Variants in RAB11FIP3 observed in about 807,000 individuals in gnomAD.
The protein encoded by RAB11FIP3 is RAB11 family interacting protein 3, also known as rab11 family-interacting protein 3.
RAB11FIP3 carries 17 observed loss-of-function variants against 77.8 expected under a neutral mutation model. The observed-to-expected ratio is 0.22, with a 90% CI of 0.15 to 0.33. The LOEUF is 0.33. Among genes scored for constraint, RAB11FIP3 ranks in the 10% least tolerant of loss-of-function variants. The pLI is 1.00. For missense variants in RAB11FIP3, 1,005 were observed against 1,011.2 expected, an observed-to-expected ratio of 0.99 and a Z score of 0.08; for synonymous variants, 437 against 448.2, an observed-to-expected ratio of 0.98 and a Z score of 0.31.
chr16:519,162 C>T, intron 10 of RAB11FIP3, 138 bp downstream of exon 10: 1 of 887,522 alleles, frequency 1.1e-6, no homozygotes, highest in Non-Finnish European at 1.7e-6. Context: ...GCTCAGGGCC[C>T]AGGCCGCTGG....
At chr16:515,151 CTG>C (rs1298651745) in intron 9 of RAB11FIP3, among the ~76,000 whole-genome samples, 1 of 152,200 alleles carries the variant, frequency 6.6e-6, no homozygotes, top group Non-Finnish European at 1.5e-5. Flanking sequence ...GGCAGTGCTG[CTG>C]TGTGTGAAGC....
rs146024518 is a variant in RAB11FIP3, at chr16:436,867, T to C, written c.714+10147T>C. Reference sequence around the variant, plus strand: ...AGTGTTGAGATTATGGGCGTAACCATCTTGCTAGGCCAACAAATTCTTAGT... The same window carrying C: ...AGTGTTGAGATTATGGGCGTAACCACCTTGCTAGGCCAACAAATTCTTAGT... On this transcript the variant is annotated intron_variant, in intron 1 of 13. Coordinates refer to ENST00000262305, the MANE Select transcript of RAB11FIP3 (RefSeq NM_014700.4). 6.0e-3 allele frequency among the ~76,000 whole-genome samples: 919 copies of C among 152,288 alleles called. 15 individuals are homozygous for C. Among genetic ancestry groups the C allele is most frequent in the African/African-American group, 0.021 (870 of 41,554 alleles).
In RAB11FIP3 at chr16:520,766, G is replaced by T. The variant is rs766469038; in HGVS notation, c.2198G>T (p.Arg733Leu). 1 of 1,613,672 alleles carries T rather than the reference G, an allele frequency of 6.2e-7. No homozygotes were observed. Among genetic ancestry groups the T allele is most frequent in the Non-Finnish European group, 8.5e-7 (1 of 1,180,034 alleles). Reference protein sequence around the residue: ...AIQKQEEINFRLQDYIDRIIV... With the variant: ...AIQKQEEINFLLQDYIDRIIV... Reference sequence around the variant, plus strand: ...CAGAAGCAGGAGGAGATCAACTTCCGCCTGCAGGACTACATCGACAGGATC... The same window carrying T: ...CAGAAGCAGGAGGAGATCAACTTCCTCCTGCAGGACTACATCGACAGGATC... The change falls in exon 14 of 14, where the codon CGC (arginine) becomes CTC (leucine). Residue 733 changes from arginine (R) to leucine (L), a missense_variant. This residue lies in a region of RAB11FIP3 where 90 missense variants were observed against 129.7 expected (regional missense o/e 0.69). Transcript: ENST00000262305.
At chr16:510,632 A>G (rs778200513) in intron 8 of RAB11FIP3, 28 bp from the exon 9 acceptor site, 56 of 1,570,718 alleles carry the variant, frequency 3.6e-5, no homozygotes, top group Non-Finnish European at 4.3e-5. Context: ...GCCTGGAGAC[A>G]GCTCAGCTCC....
intron 2 of RAB11FIP3, among the ~76,000 whole-genome samples, chr16:465,996 CTTTG>C (rs2055695691): frequency 6.6e-6 from 1 of 152,158 alleles, no homozygotes; most frequent in South Asian, 2.1e-4. Flanking sequence ...ACCAGGAATT[CTTTG>C]TTGTGACTGC....
intron 6 of RAB11FIP3, among the ~76,000 whole-genome samples, chr16:500,898 G>T (rs2031473557): frequency 6.6e-6 from 1 of 152,058 alleles, no homozygotes; most frequent in Non-Finnish European, 1.5e-5. Context: ...TGGCCTCTCA[G>T]GATGGGCTCT....
chr16:492,990 G>T (rs768466917), intron 5 of RAB11FIP3, among the ~76,000 whole-genome samples: 1 of 152,138 alleles, frequency 6.6e-6, no homozygotes, highest in Non-Finnish European at 1.5e-5. Flanking sequence ...ACTCACGCCT[G>T]TAATCTCAGC....
chr16:436,388 T>C (rs1416358067), intron 1 of RAB11FIP3, among the ~76,000 whole-genome samples: 1 of 152,188 alleles, frequency 6.6e-6, no homozygotes, highest in East Asian at 1.9e-4. Context: ...CACTGCAGCC[T>C]TGAAGTCCTG....
chr16:444,121 G>A lies in RAB11FIP3; in HGVS notation c.715-17283G>A, dbSNP rs543604955. ...CTCAACCTGTGCATGGAGGTTGGCC[G>A]AGGCAGCCTCTGAAGTACATGGAGC... On this transcript the variant is annotated intron_variant, in intron 1 of 13. Coordinates refer to ENST00000262305, the MANE Select transcript of RAB11FIP3 (RefSeq NM_014700.4). 2.6e-5 allele frequency among the ~76,000 whole-genome samples: 4 copies of A among 152,284 alleles called. No homozygotes were observed. The East Asian group carries it at 7.7e-4, about 29-fold the overall frequency.
At chr16:445,484 G>A (rs2055300588) in intron 1 of RAB11FIP3, among the ~76,000 whole-genome samples, 9 of 152,254 alleles carry the variant, frequency 5.9e-5, no homozygotes, top group Admixed American at 4.6e-4. Context: ...TAGGTACTAT[G>A]CCAATATGGG....
chr16:435,074 G>A (rs1386255812), intron 1 of RAB11FIP3, among the ~76,000 whole-genome samples: 2 of 151,846 alleles, frequency 1.3e-5, no homozygotes, highest in Admixed American at 6.6e-5. Context: ...GCGTAGTGGC[G>A]GGTGCCTATA....
rs895365894 is a variant in RAB11FIP3, at chr16:497,324, A to G, written c.1301+465A>G. Reference sequence around the variant, plus strand: ...TAGATCTGTTGGCTTCCTGCTGTGAAAGATGGCAACATACACTTTTATCTT... The same window carrying G: ...TAGATCTGTTGGCTTCCTGCTGTGAGAGATGGCAACATACACTTTTATCTT... On this transcript the variant is annotated intron_variant, in intron 6 of 13. Transcript: ENST00000262305. 2.0e-5 allele frequency: 26 copies of G among 1,304,150 alleles called. No individual in the cohort carries two copies. In the Admixed American group the frequency reaches 5.1e-4, roughly 25 times the overall value. The allele number at this position is 1,304,150 out of a possible 1,614,324, so 80.8% of individuals were successfully genotyped here. A position where few individuals can be genotyped will look rare whatever the true frequency, so the allele number is the denominator to read the frequency against.
intron 6 of RAB11FIP3, among the ~76,000 whole-genome samples, chr16:498,633 C>T (rs113201422): frequency 0.047 from 7,216 of 152,236 alleles, 233 homozygotes; most frequent in African/African-American, 0.096. Flanking sequence ...ATCCTCCCTC[C>T]TCAGCCTCCC....
intron 1 of RAB11FIP3, among the ~76,000 whole-genome samples, chr16:441,840 T>TTTTG (rs916272283): frequency 6.6e-6 from 1 of 152,212 alleles, no homozygotes; most frequent in Non-Finnish European, 1.5e-5. Flanking sequence ...AATCATGCTT[T>TTTTG]TTTGTTTGTT....
intron 1 of RAB11FIP3, among the ~76,000 whole-genome samples, chr16:448,896 C>T (rs1318849728): frequency 2.6e-5 from 4 of 151,460 alleles, no homozygotes; most frequent in Admixed American, 2.6e-4. Context: ...GCCTGGGCAA[C>T]AAGAGTGAAA....
chr16:427,825 C>T (rs750667819), intron 1 of RAB11FIP3, among the ~76,000 whole-genome samples: 11 of 152,072 alleles, frequency 7.2e-5, no homozygotes, highest in African/African-American at 2.2e-4. Context: ...GATGGTCGGG[C>T]GCGGTGGCTC....
chr16:440,205 G>A (rs1286276501), intron 1 of RAB11FIP3, among the ~76,000 whole-genome samples: 1 of 151,966 alleles, frequency 6.6e-6, no homozygotes, highest in Non-Finnish European at 1.5e-5. Flanking sequence ...GTCTCATTCT[G>A]TGCCTTATAG....
intron 1 of RAB11FIP3, among the ~76,000 whole-genome samples, chr16:455,508 C>T (rs1373106052): frequency 6.6e-6 from 1 of 151,848 alleles, no homozygotes; most frequent in East Asian, 1.9e-4. Context: ...ACCGCGCACA[C>T]TCTCACAAGC....
rs775221850 is a variant in RAB11FIP3 at position 482,656 on chromosome 16, C to T, written c.1035C>T (p.Ala345=). ...AACCTGAAGGGGACGCAGACAGTGCCGGCGGCTCGGCCGTGCCCTCTGAGT... is the reference window on the plus strand; with the variant it reads ...AACCTGAAGGGGACGCAGACAGTGCTGGCGGCTCGGCCGTGCCCTCTGAGT... ...ELQPEGDADS[A]GGSAVPSECL... Residue 345 remains alanine, a synonymous_variant, in exon 4 of 14, where the codon GCC becomes GCT. Transcript: ENST00000262305. The T allele has an allele frequency of 6.2e-6, 10 of 1,612,876 alleles. No homozygotes were observed. The highest frequency in any genetic ancestry group is 1.6e-4 in the Middle Eastern group (1 of 6,084).
Sources: gnomAD v4.1 joint callset for allele counts (sites outside exome capture counted in the v4.1 genomes callset) on GRCh38, gnomAD v4.1.1 for gene constraint, gnomAD v4.1.1 regional missense constraint, MANE v1.5 for transcripts, NCBI Gene and HGNC (gene_info 2026-07-23, HGNC 2026-07-21) for gene names.